ZNF469: variants seen among roughly 807,000 people sequenced by gnomAD.
ZNF469 encodes zinc finger protein 469.
Under a neutral mutation model 1.0 loss-of-function variants are expected in ZNF469, and 1 was observed. The ratio of observed to expected loss-of-function variants is 1.00; its 90% CI spans 0.35 to 4.73. ZNF469 has a LOEUF of 4.73. Among genes scored for constraint, ZNF469 ranks in the 30% most tolerant of loss-of-function variants. The pLI, the probability that ZNF469 is intolerant of heterozygous loss-of-function variation, is 0.16. For missense variants in ZNF469, 6,100 were observed against 5,356.3 expected (o/e 1.14, Z -4.33); for synonymous variants, 2,703 against 2,363.4 (o/e 1.14, Z -4.17).
At chr16:88,108,240 G>C in the ZNF469 span, among the ~76,000 whole-genome samples, 6 of 146,742 alleles carry the variant, frequency 4.1e-5, no homozygotes, top group East Asian at 5.9e-4. Context: ...GATGCGGGGA[G>C]GGGGGTCCAT....
In ZNF469 at chr16:88,431,603, GC is replaced by G. The variant is rs1233375432; in HGVS notation, c.4138del (p.His1380ThrfsTer175). On this transcript the variant is annotated frameshift_variant, in exon 3 of 3. Coordinates refer to ENST00000565624, the MANE Select transcript of ZNF469 (RefSeq NM_001367624.2). LOFTEE classifies it low-confidence loss of function (END_TRUNC). ...AAAAAGGGGCCTCAGCCCTACAGCA[GC>G]CCCCACAGTGAGTTGTTCCTCGGAC... ...VAKKGPQPYS[S>X]PHSELFLGPK... 6.5e-7 allele frequency: 1 copy of G among 1,550,354 alleles called. No homozygotes were observed. The highest frequency in any genetic ancestry group is 8.7e-7 in the Non-Finnish European group (1 of 1,146,990).
At chr16:88,152,508 C>G in the ZNF469 span, among the ~76,000 whole-genome samples, 1 of 152,132 alleles carries the variant, frequency 6.6e-6, no homozygotes, top group South Asian at 2.1e-4. The surrounding 1 kb of genome is among the most constrained non-coding windows in gnomAD (Gnocchi z 4.2). Flanking sequence ...GCTTGGCGCG[C>G]TGGATGCCTC....
At chr16:88,128,465 C>G in the ZNF469 span, among the ~76,000 whole-genome samples, 1 of 152,142 alleles carries the variant, frequency 6.6e-6, no homozygotes, top group Non-Finnish European at 1.5e-5. Context: ...CAAATACAAT[C>G]GATCCTCCAT....
At chr16:88,114,175 CGGGGGAGAA>C in the ZNF469 span, among the ~76,000 whole-genome samples, 1 of 150,722 alleles carries the variant, frequency 6.6e-6, no homozygotes, top group African/African-American at 2.4e-5. Context: ...GCGGGGGTCT[CGGGGGAGAA>C]TGACAGGGAC....
At chr16:88,167,529 G>A in the ZNF469 span, among the ~76,000 whole-genome samples, 15 of 152,194 alleles carry the variant, frequency 9.9e-5, no homozygotes, top group Admixed American at 2.0e-4. Context: ...CCCACTGAGC[G>A]ACACATTAGA....
At chr16:88,134,655 G>A in the ZNF469 span, among the ~76,000 whole-genome samples, 1 of 152,194 alleles carries the variant, frequency 6.6e-6, no homozygotes, top group Non-Finnish European at 1.5e-5. Flanking sequence ...TCCATCTGCC[G>A]ACCCCGTGTG....
At chr16:88,129,854 C>T in the ZNF469 span, among the ~76,000 whole-genome samples, 2 of 152,214 alleles carry the variant, frequency 1.3e-5, no homozygotes, top group East Asian at 1.9e-4. Flanking sequence ...GAGCGAGACT[C>T]TGTCTAAAAG....
rs184518083 is a variant in ZNF469, at chr16:88,422,689, T to C, written c.-191-2118T>C. Among the ~76,000 whole-genome samples, 412 of 118,974 alleles carry C rather than the reference T, an allele frequency of 3.5e-3. 4 individuals carry two copies. The highest frequency in any genetic ancestry group is 0.013 in the African/African-American group (397 of 29,818). 78.1% of individuals were successfully genotyped at this position (118,974 alleles called of 152,430 possible). A position where few individuals can be genotyped will look rare whatever the true frequency, so the allele number is the denominator to read the frequency against. On this transcript the variant is annotated intron_variant, in intron 1 of 2. Transcript: ENST00000565624. Reference sequence around the variant, plus strand: ...ATGGGTGGGTAGATGGACAGATGGGTGGGTGGGTGATACATGAGTGGGTGG... The same window carrying C: ...ATGGGTGGGTAGATGGACAGATGGGCGGGTGGGTGATACATGAGTGGGTGG...
the ZNF469 span, among the ~76,000 whole-genome samples, chr16:88,212,834 T>C: frequency 6.6e-6 from 1 of 152,258 alleles, no homozygotes; most frequent in Admixed American, 6.5e-5. Flanking sequence ...TCCGCCTGCA[T>C]TGGCCTCACA....
At chr16:88,134,946 C>T in the ZNF469 span, among the ~76,000 whole-genome samples, 1 of 152,240 alleles carries the variant, frequency 6.6e-6, no homozygotes, top group Non-Finnish European at 1.5e-5. Context: ...TTAACTGATT[C>T]ATTTCATCAG....
In ZNF469 at chr16:88,432,092, C is replaced by G. The variant is rs1226507962; in HGVS notation, c.4622C>G (p.Ser1541Cys). 51 of 1,550,434 alleles carry G rather than the reference C, an allele frequency of 3.3e-5. No homozygotes were observed. Among genetic ancestry groups the G allele is most frequent in the Non-Finnish European group, 4.4e-5 (51 of 1,147,026 alleles). The change falls in exon 3 of 3, where the codon TCT becomes TGT. Residue 1541 changes from serine (S) to cysteine (C), a missense_variant. Transcript: ENST00000565624. ...ACAGTGGTTCCCGGCGCCGCCCCATCTTTGCCTGGGAAGGGGAGTGGATGT... is the reference window on the plus strand; with the variant it reads ...ACAGTGGTTCCCGGCGCCGCCCCATGTTTGCCTGGGAAGGGGAGTGGATGT... ...ERTVVPGAAP[S>C]LPGKGSGCSV...
At chr16:88,292,113 G>A in the ZNF469 span, among the ~76,000 whole-genome samples, 1 of 152,192 alleles carries the variant, frequency 6.6e-6, no homozygotes, top group Non-Finnish European at 1.5e-5. Flanking sequence ...GGTGCCATGT[G>A]GGGCCTGGAG....
the ZNF469 span, among the ~76,000 whole-genome samples, chr16:88,168,677 A>G: frequency 6.6e-6 from 1 of 152,068 alleles, no homozygotes; most frequent in South Asian, 2.1e-4. This position sits in a 1 kb window ranked among gnomAD's most constrained non-coding sequence, Gnocchi z 4.3. Context: ...TTCTTTAATC[A>G]TTTGTATTGC....
At chr16:88,270,676 A>G in the ZNF469 span, among the ~76,000 whole-genome samples, 150 of 152,304 alleles carry the variant, frequency 9.8e-4, no homozygotes, top group East Asian at 4.2e-3. Flanking sequence ...ACTCCACGGG[A>G]AAATTCTCCA....
rs1905348384 is a variant in ZNF469, at chr16:88,417,918, G to A, written c.-191-6889G>A. Among the ~76,000 whole-genome samples, 4 of 152,230 alleles carry A rather than the reference G, an allele frequency of 2.6e-5. No homozygotes were observed. In the South Asian group the frequency reaches 8.3e-4, roughly 31 times the overall value. On this transcript the variant is annotated intron_variant, in intron 1 of 2. Transcript: ENST00000565624. ...TGTGCTCACGCGTGTGCATGGATGA[G>A]CATGCATAACTGCACACACCTGTAT...
the ZNF469 span, among the ~76,000 whole-genome samples, chr16:88,364,074 T>C: frequency 6.6e-6 from 1 of 152,362 alleles, no homozygotes; most frequent in East Asian, 1.9e-4. Flanking sequence ...ACCACAGATA[T>C]ATTTTTTGTG....
intron 1 of ZNF469, among the ~76,000 whole-genome samples, chr16:88,415,205 A>C (rs2142286258): frequency 1.3e-5 from 2 of 152,196 alleles, no homozygotes; most frequent in African/African-American, 4.8e-5. Flanking sequence ...CCGGAACATC[A>C]GGGACCCTCC....
chr16:88,303,369 C>G, the ZNF469 span, among the ~76,000 whole-genome samples: 5 of 152,216 alleles, frequency 3.3e-5, no homozygotes, highest in Non-Finnish European at 5.9e-5. Flanking sequence ...GCTCTGCACC[C>G]TCGCCAGCGC....
rs757512156 is a variant in ZNF469, at chr16:88,438,214, G to T, written c.10744G>T (p.Ala3582Ser). ...AGCCCTGGAGAGGCCAGAGAACGAG[G>T]CTTCCCCAGGCAGCCCCGGGCCTCT... ...DGALERPENE[A>S]SPGSPGPLLQ... The change falls in exon 3 of 3, where the codon GCT becomes TCT. Residue 3582 changes from alanine (A) to serine (S), a missense_variant. Physicochemically the swap from Ala to Ser is moderately conservative, Grantham distance 99. Coordinates refer to ENST00000565624, the MANE Select transcript of ZNF469 (RefSeq NM_001367624.2). 6.5e-7 allele frequency: 1 copy of T among 1,546,906 alleles called. No homozygotes were observed. The highest frequency in any genetic ancestry group is 8.7e-7 in the Non-Finnish European group (1 of 1,144,568).
Sources: gnomAD v4.1 joint callset for allele counts (sites outside exome capture counted in the v4.1 genomes callset) on GRCh38, gnomAD v4.1.1 for gene constraint, Gnocchi (gnomAD v3.1) non-coding constraint, MANE v1.5 for transcripts, NCBI Gene and HGNC (gene_info 2026-07-23, HGNC 2026-07-21) for gene names.